The following SYT1 variants were observed in gnomAD, a reference collection of about 807,000 sequenced individuals.
SYT1 encodes synaptotagmin-1.
In SYT1, 8 loss-of-function variants were observed where a neutral mutation model predicts 44.8. That is an observed-to-expected ratio of 0.18 (90% confidence interval 0.10 to 0.32). The LOEUF (loss-of-function observed/expected upper bound fraction) is 0.32. Among genes scored for constraint, SYT1 ranks in the 10% least tolerant of loss-of-function variants. SYT1 has a pLI of 1.00. For missense variants in SYT1, 286 were observed against 509.3 expected (o/e 0.56, Z 4.22); for synonymous variants, 154 against 188.8 (o/e 0.82, Z 1.51).
intron 3 of SYT1, among the ~76,000 whole-genome samples, chr12:79,128,088 G>C (rs1235983910): frequency 1.3e-5 from 2 of 152,096 alleles, no homozygotes; most frequent in African/African-American, 2.4e-5. Context: ...ATTAGATAGA[G>C]AGATTAGATA....
intron 3 of SYT1, among the ~76,000 whole-genome samples, chr12:79,068,075 G>A (rs1246871670): frequency 6.6e-6 from 1 of 152,076 alleles, no homozygotes; most frequent in South Asian, 2.1e-4. Context: ...TATCAATTTG[G>A]GTTGAAGTTG....
intron 8 of SYT1, among the ~76,000 whole-genome samples, chr12:79,302,995 A>G (rs1380054157): frequency 1.3e-5 from 2 of 152,154 alleles, no homozygotes; most frequent in Non-Finnish European, 2.9e-5. Flanking sequence ...ATAATTCTTC[A>G]GTGTGCAAAA....
chr12:78,985,218 A>G (rs1025721906), intron 2 of SYT1, among the ~76,000 whole-genome samples: 2 of 151,964 alleles, frequency 1.3e-5, no homozygotes, highest in African/African-American at 4.8e-5. Flanking sequence ...GAACTATTCC[A>G]CTGTATTACC....
At chr12:79,418,745 A>T (rs577471928) in intron 9 of SYT1, among the ~76,000 whole-genome samples, 1 of 152,342 alleles carries the variant, frequency 6.6e-6, no homozygotes, top group East Asian at 1.9e-4. Flanking sequence ...GAACTTGACA[A>T]GAAAGGCCAG....
rs899464710 is a variant in SYT1, at chr12:78,977,651, T to C, written c.-216-148T>C. On this transcript the variant is annotated intron_variant, in intron 1 of 10. Coordinates refer to ENST00000261205, the MANE Select transcript of SYT1 (RefSeq NM_005639.3). ...CTGGAGCACCCAGCACAACCAGGAA[T>C]TGAGGAAGCTAGAGCAGGATGTGAA... 4 of 152,342 alleles carry C rather than the reference T, an allele frequency of 2.6e-5. 1 individual carries two copies. The highest frequency in any genetic ancestry group is 2.6e-4 in the Admixed American group (4 of 15,274). The allele number at this position is 152,342 out of a possible 1,614,324, so 9.4% of individuals were successfully genotyped here. A position where few individuals can be genotyped will look rare whatever the true frequency, so the allele number is the denominator to read the frequency against.
intron 8 of SYT1, among the ~76,000 whole-genome samples, chr12:79,320,989 C>T (rs2138977518): frequency 6.6e-6 from 1 of 152,224 alleles, no homozygotes; most frequent in East Asian, 1.9e-4. Flanking sequence ...CCCATTCTAC[C>T]TGCTGGCTTG....
intron 3 of SYT1, among the ~76,000 whole-genome samples, chr12:79,073,053 G>A (rs1331549384): frequency 1.3e-5 from 2 of 152,000 alleles, no homozygotes; most frequent in Non-Finnish European, 2.9e-5. Flanking sequence ...TAATGACAAG[G>A]ACAAGTAATA....
At chr12:79,097,581 T>C (rs1878211091) in intron 3 of SYT1, among the ~76,000 whole-genome samples, 1 of 151,928 alleles carries the variant, frequency 6.6e-6, no homozygotes, top group Admixed American at 6.6e-5. Flanking sequence ...TAAAATACTG[T>C]GTAATCTTTG....
At chr12:79,302,532 A>G (rs530241871) in intron 8 of SYT1, among the ~76,000 whole-genome samples, 1 of 152,314 alleles carries the variant, frequency 6.6e-6, no homozygotes, top group African/African-American at 2.4e-5. Flanking sequence ...TGGATAGTGT[A>G]AGAGCCTCAT....
chr12:79,258,384 T>C (rs1353654139), intron 4 of SYT1, among the ~76,000 whole-genome samples: 1 of 78,510 alleles, frequency 1.3e-5, no homozygotes, highest in East Asian at 2.4e-4. Context: ...AGCATCACTT[T>C]TGTAAACTGA....
intron 8 of SYT1, among the ~76,000 whole-genome samples, chr12:79,319,109 A>G (rs1377727796): frequency 6.6e-6 from 1 of 152,228 alleles, no homozygotes; most frequent in Non-Finnish European, 1.5e-5. Flanking sequence ...CCATGTTTGA[A>G]GATGACATAA....
Position 79,020,947 on chromosome 12 carries a change from A to AT in SYT1, c.-83-26346dup, listed in dbSNP as rs1872151606. 2.6e-5 allele frequency among the ~76,000 whole-genome samples: 4 copies of AT among 151,994 alleles called. No individual in the cohort carries two copies. The South Asian group carries it at 8.3e-4, about 32-fold the overall frequency. ...TACTTTAATGAGATAGGAAACTGAC[A>AT]TTTTCTCTTAGTCAACGTTGGTGCT... On this transcript the variant is annotated intron_variant, in intron 2 of 10. Coordinates refer to ENST00000261205, the MANE Select transcript of SYT1 (RefSeq NM_005639.3).
At chr12:79,336,672 G>A (rs1397870577) in intron 8 of SYT1, among the ~76,000 whole-genome samples, 1 of 152,010 alleles carries the variant, frequency 6.6e-6, no homozygotes, top group Non-Finnish European at 1.5e-5. Flanking sequence ...CTTTTACCCA[G>A]GCTGGAGTGC....
intron 3 of SYT1, among the ~76,000 whole-genome samples, chr12:79,196,067 T>G (rs906272598): frequency 3.3e-5 from 5 of 152,182 alleles, no homozygotes; most frequent in Non-Finnish European, 7.3e-5. Flanking sequence ...AACAGACATC[T>G]CTTGCCCAGC....
chr12:79,397,827 A>T (rs12581451), intron 9 of SYT1, among the ~76,000 whole-genome samples: 22,684 of 152,096 alleles, frequency 0.15, 2,046 homozygotes, highest in Middle Eastern at 0.34. Flanking sequence ...GTATATGTGA[A>T]CTCCTAATCC....
intron 2 of SYT1, among the ~76,000 whole-genome samples, chr12:79,020,181 GT>G (rs1158911326): frequency 1.3e-5 from 2 of 151,934 alleles, no homozygotes; most frequent in Non-Finnish European, 2.9e-5. Context: ...TGAATTAGAA[GT>G]TTTTTAATGT....
intron 8 of SYT1, among the ~76,000 whole-genome samples, chr12:79,340,061 T>A (rs1053384855): frequency 1.9e-4 from 29 of 152,232 alleles, no homozygotes; most frequent in Non-Finnish European, 3.4e-4. Context: ...CCATGCTGTT[T>A]TGGTTACTGT....
At chr12:79,103,514 A>C (rs1878547084) in intron 3 of SYT1, among the ~76,000 whole-genome samples, 2 of 152,036 alleles carry the variant, frequency 1.3e-5, no homozygotes, top group Admixed American at 1.3e-4. Context: ...ATTTTTTTTA[A>C]AAAACTGACC....
At chr12:79,414,950 G>A (rs1397335539) in intron 9 of SYT1, among the ~76,000 whole-genome samples, 1 of 152,238 alleles carries the variant, frequency 6.6e-6, no homozygotes, top group South Asian at 2.1e-4. Flanking sequence ...CAAATCTCTG[G>A]TCTCATGGCT....
Sources: allele counts gnomAD v4.1 joint callset (sites outside exome capture counted in the v4.1 genomes callset), GRCh38; gene constraint gnomAD v4.1.1; transcripts MANE v1.5; gene names NCBI Gene and HGNC (gene_info 2026-07-23, HGNC 2026-07-21).